Variants in ASPG observed in about 807,000 individuals in gnomAD.
The protein encoded by ASPG is asparaginase.
In ASPG, 53 loss-of-function variants were observed where a neutral mutation model predicts 63.2. That is an observed-to-expected ratio of 0.84 (90% confidence interval 0.67 to 1.05). ASPG has a LOEUF of 1.05. ASPG is among the 50% of genes least tolerant of loss of function. ASPG has a pLI of 0.00. For missense variants in ASPG, 741 were observed against 794.4 expected (o/e 0.93, Z 0.81); for synonymous variants, 370 against 355.0 (o/e 1.04, Z -0.48).
chr14:104,092,696 AGCACGCCCGAGCCCGC>A lies in ASPG; in HGVS notation c.148_163del (p.His50AlafsTer34). Reference sequence around the variant, plus strand: ...ACACTGCCCATGTTCCATGACGAGGAGCACGCCCGAGCCCGCGGCCTCTCTGAGGACACCCTGGTGC... The same window carrying A: ...ACACTGCCCATGTTCCATGACGAGGAGGCCTCTCTGAGGACACCCTGGTGC... On this transcript the variant is annotated frameshift_variant, in exon 2 of 16. Transcript: ENST00000551177. LOFTEE classifies it high-confidence loss of function. 1 of 1,537,670 alleles carries A rather than the reference AGCACGCCCGAGCCCGC, an allele frequency of 6.5e-7. No individual in the cohort carries two copies. The highest frequency in any genetic ancestry group is 8.7e-7 in the Non-Finnish European group (1 of 1,147,554).
chr14:104,098,336 G>A (rs1050345819), intron 5 of ASPG, among the ~76,000 whole-genome samples: 8 of 152,122 alleles, frequency 5.3e-5, no homozygotes, highest in Admixed American at 6.6e-5. Flanking sequence ...TTCCTGTGGC[G>A]TCCCAGGAAG....
At position 104,091,426 on chromosome 14, in the gene ASPG, C is replaced by T. The variant is rs538683155; in HGVS notation, c.83-1207C>T. On this transcript the variant is annotated intron_variant, in intron 1 of 15. Transcript: ENST00000551177. This position sits in a 1 kb window ranked among gnomAD's most constrained non-coding sequence, Gnocchi z 6.4. Reference sequence around the variant, plus strand: ...CCGTCTGCTGGCTGAGCCCTACTGGCGGGGTGATTTTGTCAGCGGCTGCAC... The same window carrying T: ...CCGTCTGCTGGCTGAGCCCTACTGGTGGGGTGATTTTGTCAGCGGCTGCAC... 1.5e-4 allele frequency among the ~76,000 whole-genome samples: 23 copies of T among 152,112 alleles called. No homozygotes were observed. The highest frequency in any genetic ancestry group is 2.4e-4 in the Non-Finnish European group (16 of 68,022).
Position 104,095,577 on chromosome 14 carries a change from A to G in ASPG, c.350A>G (p.Asp117Gly). Residue 117 changes from aspartate (D) to glycine (G), a missense_variant, in exon 4 of 16, where the codon GAC becomes GGC. Transcript: ENST00000551177. ...GGCTTTGTGGTCATCCACGGCACCG[A>G]CACCATGGCCTTTGCTGCCTCGATG... ...YHGFVVIHGT[D>G]TMAFAASMLS... 1.9e-6 allele frequency: 3 copies of G among 1,613,202 alleles called. No individual in the cohort carries two copies. The highest frequency in any genetic ancestry group is 1.7e-6 in the Non-Finnish European group (2 of 1,179,820).
chr14:104,100,695 G>T (rs1380485006), intron 6 of ASPG, among the ~76,000 whole-genome samples: 1 of 152,222 alleles, frequency 6.6e-6, no homozygotes, highest in Non-Finnish European at 1.5e-5. Context: ...GGTCTCAGGG[G>T]CTTGGGCAGG....
chr14:104,086,390 G>A (rs2036222951), intron 1 of ASPG, among the ~76,000 whole-genome samples: 1 of 152,234 alleles, frequency 6.6e-6, no homozygotes, highest in Non-Finnish European at 1.5e-5. Context: ...TGGCCTCAGA[G>A]CCCTGCTTCC....
chr14:104,101,847 C>T (rs1206894706), intron 6 of ASPG, among the ~76,000 whole-genome samples: 1 of 152,220 alleles, frequency 6.6e-6, no homozygotes, highest in Non-Finnish European at 1.5e-5. Context: ...GTGCTGAGCT[C>T]CCGTATCTGT....
chr14:104,087,617 G>T (rs530525924), intron 1 of ASPG, among the ~76,000 whole-genome samples: 9 of 152,310 alleles, frequency 5.9e-5, no homozygotes, highest in Admixed American at 5.9e-4. Flanking sequence ...GCCCCCGAGT[G>T]GGGACAGGAC....
chr14:104,098,127 C>G (rs4018039), intron 5 of ASPG, among the ~76,000 whole-genome samples: 480 of 26,480 alleles, frequency 0.018, 20 homozygotes, highest in East Asian at 0.041. Flanking sequence ...TGGAGGTTCT[C>G]CGTTAGAGAT....
At chr14:104,089,063 C>T (rs568916679) in intron 1 of ASPG, among the ~76,000 whole-genome samples, 1 of 152,134 alleles carries the variant, frequency 6.6e-6, no homozygotes, top group Admixed American at 6.5e-5. Flanking sequence ...CTCTGTCGCC[C>T]AGACTGGAGT....
In ASPG at chr14:104,110,885, T is replaced by C; in HGVS notation, c.1521-617T>C. 1.0e-6 allele frequency: 1 copy of C among 985,374 alleles called. No homozygotes were observed. 61.0% of individuals were successfully genotyped at this position (985,374 alleles called of 1,614,324 possible). Reference sequence around the variant, plus strand: ...GGGTGAGGAGGAGCTGGTGAGGGCCTGGCAGGTGCTCCCCACTCCAGGGCA... The same window carrying C: ...GGGTGAGGAGGAGCTGGTGAGGGCCCGGCAGGTGCTCCCCACTCCAGGGCA... On this transcript the variant is annotated intron_variant, in intron 13 of 15. Transcript: ENST00000551177. This position sits in a 1 kb window ranked among gnomAD's most constrained non-coding sequence, Gnocchi z 4.7.
chr14:104,104,339 G>T lies in ASPG; in HGVS notation c.789G>T (p.Val263=), dbSNP rs749973111. ...TCTTGCAGCCTCCCCTGAAGGGCGT[G>T]GTCATGGAGACCTTCGGTTCAGGGA... ...RAFLQPPLKG[V]VMETFGSGNG... Residue 263 remains valine, a synonymous_variant, in exon 8 of 16, where the codon GTG becomes GTT. Transcript: ENST00000551177. The T allele has an allele frequency of 5.6e-6, 9 of 1,612,578 alleles. No individual in the cohort carries two copies. Among genetic ancestry groups the T allele is most frequent in the Non-Finnish European group, 7.6e-6 (9 of 1,179,764 alleles).
In ASPG at chr14:104,104,602, C is replaced by A; in HGVS notation, c.937-20C>A. The A allele has an allele frequency of 6.3e-7, 1 of 1,596,160 alleles. No homozygotes were observed. The highest frequency in any genetic ancestry group is 8.5e-7 in the Non-Finnish European group (1 of 1,169,884). On this transcript the variant is annotated intron_variant, in intron 8 of 15. Transcript: ENST00000551177. ...GCCGTGGTGAGTCGCCCTTCCTGCC[C>A]ACACGCCCCCTCCTCACAGGCCATG...
chr14:104,107,556 C>T (rs149114463), intron 12 of ASPG, among the ~76,000 whole-genome samples: 135 of 152,222 alleles, frequency 8.9e-4, no homozygotes, highest in African/African-American at 2.8e-3. Context: ...TGGGAGGACA[C>T]GGTGCATCTC....
chr14:104,110,835 G>C lies in ASPG; in HGVS notation c.1521-667G>C, dbSNP rs745867389. 28 of 985,256 alleles carry C rather than the reference G, an allele frequency of 2.8e-5. No individual in the cohort carries two copies. Among genetic ancestry groups the C allele is most frequent in the East Asian group, 1.1e-4 (1 of 8,814 alleles). The allele number at this position is 985,256 out of a possible 1,614,324, so 61.0% of individuals were successfully genotyped here. On this transcript the variant is annotated intron_variant, in intron 13 of 15. Coordinates refer to ENST00000551177, the MANE Select transcript of ASPG (RefSeq NM_001080464.3). The surrounding 1 kb of genome is among the most constrained non-coding windows in gnomAD (Gnocchi z 4.7). ...TGCTCCTGGCCTCCCCAGGTGGCGA[G>C]TGAGTTCTTCCCAGGAGGGTGGCAG...
chr14:104,106,942 G>T (rs2037158130), intron 11 of ASPG, 48 bp downstream of exon 11: 4 of 1,520,926 alleles, frequency 2.6e-6, no homozygotes, highest in Non-Finnish European at 3.5e-6. Context: ...CGCCTGGCCT[G>T]GGGGCTCTGA....
At chr14:104,104,544 G>A (rs2037031159) in intron 8 of ASPG, 58 bp downstream of exon 8, 1 of 1,592,518 alleles carries the variant, frequency 6.3e-7, no homozygotes, top group South Asian at 1.1e-5. Flanking sequence ...GCCTGGCAGA[G>A]GTGGGCTCTG....
In ASPG at chr14:104,109,210, C is replaced by T; in HGVS notation, c.1434-19C>T. On this transcript the variant is annotated intron_variant, in intron 12 of 15. Coordinates refer to ENST00000551177, the MANE Select transcript of ASPG (RefSeq NM_001080464.3). This position sits in a 1 kb window ranked among gnomAD's most constrained non-coding sequence, Gnocchi z 4.8. Reference sequence around the variant, plus strand: ...TGGGCTGGCCAGGGCAGAAGGTCAGCATGCTCATTCTCACACAGGCATCCG... The same window carrying T: ...TGGGCTGGCCAGGGCAGAAGGTCAGTATGCTCATTCTCACACAGGCATCCG... 1 of 1,612,184 alleles carries T rather than the reference C, an allele frequency of 6.2e-7. No individual in the cohort carries two copies. The highest frequency in any genetic ancestry group is 8.5e-7 in the Non-Finnish European group (1 of 1,179,390).
chr14:104,092,943 T>C, intron 2 of ASPG: 1 of 575,414 alleles, frequency 1.7e-6, no homozygotes. Flanking sequence ...CCGTGCCTGG[T>C]CCCACCTTCC....
chr14:104,096,135 C>G (rs996435832), intron 4 of ASPG, among the ~76,000 whole-genome samples: 1 of 152,208 alleles, frequency 6.6e-6, no homozygotes, highest in Admixed American at 6.5e-5. Flanking sequence ...ATTTCCCTGC[C>G]TCTCTCACCC....
Sources: gnomAD v4.1 joint callset for allele counts (sites outside exome capture counted in the v4.1 genomes callset) on GRCh38, gnomAD v4.1.1 for gene constraint, Gnocchi (gnomAD v3.1) non-coding constraint, MANE v1.5 for transcripts, NCBI Gene and HGNC (gene_info 2026-07-23, HGNC 2026-07-21) for gene names.